Variants in PXYLP1 observed in about 807,000 individuals in gnomAD.
PXYLP1 encodes 2-phosphoxylose phosphatase 1.
In PXYLP1, 17 loss-of-function variants were observed where a neutral mutation model predicts 37.9. The ratio of observed to expected loss-of-function variants is 0.45; its 90% CI spans 0.31 to 0.67. PXYLP1 has a LOEUF of 0.67. Among genes scored for constraint, PXYLP1 ranks in the 30% least tolerant of loss-of-function variants. The pLI, the probability that PXYLP1 is intolerant of heterozygous loss-of-function variation, is 0.07. For missense variants in PXYLP1, 511 were observed against 612.0 expected (o/e 0.84, Z 1.74); for synonymous variants, 221 against 232.2 (o/e 0.95, Z 0.44).
intron 2 of PXYLP1, among the ~76,000 whole-genome samples, chr3:141,261,119 T>A (rs1247261087): frequency 6.6e-6 from 1 of 152,232 alleles, no homozygotes; most frequent in East Asian, 1.9e-4. Context: ...TCCTTGAACC[T>A]GTCTCCCTCC....
chr3:141,259,453 C>A (rs185832664), intron 1 of PXYLP1, among the ~76,000 whole-genome samples: 2 of 151,026 alleles, frequency 1.3e-5, no homozygotes, highest in African/African-American at 4.9e-5. Flanking sequence ...TTAAAAAGTC[C>A]TCTTGCACAC....
chr3:141,269,632 A>G (rs1941613448), intron 2 of PXYLP1, among the ~76,000 whole-genome samples: 2 of 152,172 alleles, frequency 1.3e-5, no homozygotes, highest in Non-Finnish European at 1.5e-5. Context: ...AGTCCAATTC[A>G]CAAGACTGTG....
intron 4 of PXYLP1, among the ~76,000 whole-genome samples, chr3:141,285,339 G>T (rs1942051388): frequency 6.6e-6 from 1 of 151,048 alleles, no homozygotes; most frequent in South Asian, 2.1e-4. Flanking sequence ...TAGAGACATG[G>T]TCTCACTATG....
intron 2 of PXYLP1, among the ~76,000 whole-genome samples, chr3:141,265,863 C>A (rs1318221): frequency 0.66 from 101,037 of 152,036 alleles, 33,993 homozygotes; most frequent in Non-Finnish European, 0.72. Context: ...AAAGAGGCCA[C>A]GGGAAAGTGC....
chr3:141,293,006 G>A lies in PXYLP1; in HGVS notation c.1244G>A (p.Ser415Asn), dbSNP rs1942264864. The change falls in exon 6 of 6, where the codon AGT (serine) becomes AAT (asparagine). Residue 415 changes from serine (S) to asparagine (N), a missense_variant. Ser to Asn is a conservative substitution (Grantham distance 46). Transcript: ENST00000286353. The stretch of plus-strand genomic sequence containing the variant: ...CTTTGGCAAGACAGAGAAAAGCCCA[G>A]TGAACATTCCGTCCGGATTCTTTAC... ...FELWQDREKP[S>N]EHSVRILYNG... The A allele has an allele frequency of 6.2e-7, 1 of 1,614,192 alleles. No homozygotes were observed.
At position 141,262,523 on chromosome 3, in the gene PXYLP1, A is replaced by G. The variant is rs567754496; in HGVS notation, c.79+2269A>G. ...TCTTGCATGAGCTGGTTTCCACGTCACTGAATTGGCCTGTGTGTTTTGCTT... is the reference window on the plus strand; with the variant it reads ...TCTTGCATGAGCTGGTTTCCACGTCGCTGAATTGGCCTGTGTGTTTTGCTT... On this transcript the variant is annotated intron_variant, in intron 2 of 5. Transcript: ENST00000286353. 14 of 842,350 alleles carry G rather than the reference A, an allele frequency of 1.7e-5. No individual in the cohort carries two copies. The African/African-American group carries it at 2.3e-4, about 14-fold the overall frequency. 52.2% of individuals were successfully genotyped at this position (842,350 alleles called of 1,614,324 possible).
At chr3:141,243,992 A>G (rs1940878576) in intron 1 of PXYLP1, among the ~76,000 whole-genome samples, 1 of 152,254 alleles carries the variant, frequency 6.6e-6, no homozygotes, top group South Asian at 2.1e-4. Context: ...GAAAATGCAG[A>G]AATATATGCG....
intron 4 of PXYLP1, among the ~76,000 whole-genome samples, chr3:141,285,395 G>A (rs1182089909): frequency 4.0e-5 from 6 of 151,558 alleles, no homozygotes; most frequent in Non-Finnish European, 8.8e-5. Flanking sequence ...TCCCACCTCG[G>A]CCTCCCAAAA....
At position 141,294,871 on chromosome 3, in the gene PXYLP1, A is replaced by G. The variant is rs968108348; in HGVS notation, c.*1666A>G. 3 of 152,258 alleles carry G rather than the reference A, an allele frequency of 2.0e-5. No individual in the cohort carries two copies. Among genetic ancestry groups the G allele is most frequent in the African/African-American group, 7.2e-5 (3 of 41,476 alleles). The allele number at this position is 152,258 out of a possible 1,614,324, so 9.4% of individuals were successfully genotyped here. A position where few individuals can be genotyped will look rare whatever the true frequency, so the allele number is the denominator to read the frequency against. On this transcript the variant is annotated 3_prime_UTR_variant, in exon 6 of 6. Coordinates refer to ENST00000286353, the MANE Select transcript of PXYLP1 (RefSeq NM_001037172.3). Reference sequence around the variant, plus strand: ...TATATCTGAATTAGAACTGCTAAACACAGCTTGAAGACTTAAAAATAAAAG... The same window carrying G: ...TATATCTGAATTAGAACTGCTAAACGCAGCTTGAAGACTTAAAAATAAAAG...
At chr3:141,248,268 A>C (rs1326294644) in intron 1 of PXYLP1, among the ~76,000 whole-genome samples, 5 of 151,592 alleles carry the variant, frequency 3.3e-5, no homozygotes, top group African/African-American at 1.2e-4. Context: ...CCTGACCTCA[A>C]ATGATCCACC....
chr3:141,267,153 G>A (rs1337057900), intron 2 of PXYLP1, among the ~76,000 whole-genome samples: 4 of 152,196 alleles, frequency 2.6e-5, no homozygotes, highest in East Asian at 1.9e-4. Context: ...AGGGAGCCAC[G>A]TCCTGCCACA....
Position 141,241,318 on chromosome 3 carries a change from C to T in PXYLP1, c.-54+9407C>T, listed in dbSNP as rs566293332. Among the ~76,000 whole-genome samples, 7 of 152,084 alleles carry T rather than the reference C, an allele frequency of 4.6e-5. No individual in the cohort carries two copies. In the Middle Eastern group the frequency reaches 0.014, roughly 296 times the overall value. ...GTGCTCACCCTTCCTTTTTCCCACC[C>T]TCCCTCCCTTCCCCTACACACCTGT... On this transcript the variant is annotated intron_variant, in intron 1 of 5. Transcript: ENST00000286353.
At chr3:141,283,855 C>A (rs963322288) in intron 4 of PXYLP1, among the ~76,000 whole-genome samples, 14 of 151,510 alleles carry the variant, frequency 9.2e-5, no homozygotes, top group African/African-American at 3.4e-4. Context: ...GTGGATTAGC[C>A]TTGGGGTTCA....
chr3:141,279,925 C>T (rs1941907786), intron 4 of PXYLP1, among the ~76,000 whole-genome samples: 1 of 152,164 alleles, frequency 6.6e-6, no homozygotes, highest in Non-Finnish European at 1.5e-5. Context: ...AAAGTTGGGG[C>T]AAAGAGTAAG....
At chr3:141,262,747 C>T in intron 2 of PXYLP1, 2 of 1,485,504 alleles carry the variant, frequency 1.3e-6, no homozygotes, top group African/African-American at 1.4e-5. Context: ...TTGGAATTTC[C>T]CCATTTCTGT....
At chr3:141,279,675 C>T (rs983826810) in intron 4 of PXYLP1, among the ~76,000 whole-genome samples, 171 bp downstream of exon 4, 16 of 152,220 alleles carry the variant, frequency 1.1e-4, no homozygotes, top group African/African-American at 3.4e-4. Flanking sequence ...CCCACAGAGG[C>T]GGGGACACCT....
At chr3:141,268,918 CTT>C (rs1941597748) in intron 2 of PXYLP1, among the ~76,000 whole-genome samples, 1 of 152,234 alleles carries the variant, frequency 6.6e-6, no homozygotes, top group Non-Finnish European at 1.5e-5. Context: ...TCTTGCCTCT[CTT>C]TGCCTTTCTC....
intron 2 of PXYLP1, chr3:141,262,492 C>A: frequency 1.4e-6 from 1 of 736,206 alleles, no homozygotes; most frequent in Non-Finnish European, 2.0e-6. Flanking sequence ...GTGTTTGTGG[C>A]ATTTCTCTTG....
chr3:141,278,812 C>T (rs1941870739), intron 3 of PXYLP1, among the ~76,000 whole-genome samples: 1 of 152,216 alleles, frequency 6.6e-6, no homozygotes, highest in African/African-American at 2.4e-5. Flanking sequence ...GAAAGGTGGC[C>T]TTGGCAGGCA....
Sources: gnomAD v4.1 joint callset for allele counts (sites outside exome capture counted in the v4.1 genomes callset) on GRCh38, gnomAD v4.1.1 for gene constraint, MANE v1.5 for transcripts, NCBI Gene and HGNC (gene_info 2026-07-23, HGNC 2026-07-21) for gene names.